The following SHISA9 variants were observed in gnomAD, a reference collection of about 807,000 sequenced individuals.
The protein encoded by SHISA9 is shisa family member 9.
Under a neutral mutation model 38.0 loss-of-function variants are expected in SHISA9, and 13 were observed. The observed-to-expected ratio is 0.34, with a 90% CI of 0.22 to 0.54. The LOEUF is 0.54. Ranked by LOEUF, SHISA9 falls within the 20% of genes least tolerant of loss-of-function variation. The probability of loss-of-function intolerance (pLI) is 0.91; values close to 1 mark genes in which losing one functional copy is unlikely to be tolerated. For synonymous variants in SHISA9, 275 were observed against 242.0 expected (o/e 1.14, Z -1.27); for missense variants, 538 against 575.8 (o/e 0.93, Z 0.67).
At chr16:13,085,106 A>G (rs1441860419) in intron 2 of SHISA9, among the ~76,000 whole-genome samples, 1 of 152,126 alleles carries the variant, frequency 6.6e-6, no homozygotes, top group African/African-American at 2.4e-5. Flanking sequence ...TATCATTCTG[A>G]TTGTGGTGGA....
intron 2 of SHISA9, among the ~76,000 whole-genome samples, chr16:13,081,230 A>C (rs929141123): frequency 6.6e-6 from 1 of 152,208 alleles, no homozygotes; most frequent in Non-Finnish European, 1.5e-5. Context: ...AAACGCAGGC[A>C]TTCTTTGTGA....
the SHISA9 span, among the ~76,000 whole-genome samples, chr16:13,465,684 T>C: frequency 1.1e-3 from 164 of 152,302 alleles, no homozygotes; most frequent in African/African-American, 3.8e-3. Context: ...CTCAAGGTGA[T>C]ACACCTTTGA....
At chr16:12,904,119 T>C (rs1354042787) in intron 1 of SHISA9, among the ~76,000 whole-genome samples, 2 of 152,056 alleles carry the variant, frequency 1.3e-5, no homozygotes, top group Non-Finnish European at 2.9e-5. Flanking sequence ...CCGCCCACCT[T>C]CCGCAACCAC....
the SHISA9 span, among the ~76,000 whole-genome samples, chr16:13,406,081 T>C: frequency 6.6e-6 from 1 of 152,216 alleles, no homozygotes; most frequent in African/African-American, 2.4e-5. Flanking sequence ...GAGAAAGTAT[T>C]TGCAAACTCT....
At chr16:13,518,908 G>A in the SHISA9 span, among the ~76,000 whole-genome samples, 16 of 152,018 alleles carry the variant, frequency 1.1e-4, no homozygotes, top group African/African-American at 3.1e-4. Context: ...GGATAAGAGA[G>A]AGGAAAAAAG....
the SHISA9 span, among the ~76,000 whole-genome samples, chr16:13,292,377 C>G: frequency 3.9e-5 from 6 of 152,128 alleles, no homozygotes; most frequent in Admixed American, 1.3e-4. Context: ...TTGGGTTTCT[C>G]TCTTTATTCC....
chr16:13,479,691 A>G, the SHISA9 span, among the ~76,000 whole-genome samples: 2 of 152,164 alleles, frequency 1.3e-5, no homozygotes, highest in East Asian at 3.8e-4. Context: ...CTGCATGAGG[A>G]TGCGATTAAT....
In SHISA9 at chr16:13,203,548, C is replaced by T. The variant is rs376491350; in HGVS notation, c.846C>T (p.Val282=). ...ELNKYASLKA[V]GSSDGDWAVS... Reference sequence around the variant, plus strand: ...ACAAGTACGCCTCCTTAAAGGCAGTCGGTAAGTGCCACCTGATGGATCTTT... The same window carrying T: ...ACAAGTACGCCTCCTTAAAGGCAGTTGGTAAGTGCCACCTGATGGATCTTT... Residue 282 remains valine, a splice_region_variant and synonymous_variant, in exon 3 of 5, where the codon GTC becomes GTT. Coordinates refer to ENST00000558583, the MANE Select transcript of SHISA9 (RefSeq NM_001145204.3). 688 of 1,526,608 alleles carry T rather than the reference C, an allele frequency of 4.5e-4. 4 individuals are homozygous for T. The African/African-American group carries it at 7.1e-3, about 16-fold the overall frequency. The allele number at this position is 1,526,608 out of a possible 1,614,324, so 94.6% of individuals were successfully genotyped here. A position where few individuals can be genotyped will look rare whatever the true frequency, so the allele number is the denominator to read the frequency against.
intron 2 of SHISA9, among the ~76,000 whole-genome samples, chr16:13,080,750 A>C (rs2073639327): frequency 6.6e-6 from 1 of 152,242 alleles, no homozygotes; most frequent in Non-Finnish European, 1.5e-5. Context: ...TAAAATAGCC[A>C]TGCTGTGGAA....
intron 2 of SHISA9, among the ~76,000 whole-genome samples, chr16:13,127,475 A>G (rs467071): frequency 0.77 from 116,220 of 151,598 alleles, 44,711 homozygotes; most frequent in Admixed American, 0.79. Flanking sequence ...AGAAACAAGT[A>G]AAAGAGGAAA....
At chr16:13,421,578 C>A in the SHISA9 span, among the ~76,000 whole-genome samples, 6 of 152,116 alleles carry the variant, frequency 3.9e-5, no homozygotes, top group African/African-American at 1.4e-4. Context: ...AGCTACAATT[C>A]AAAATGATAT....
At chr16:13,371,060 A>T in the SHISA9 span, among the ~76,000 whole-genome samples, 1 of 152,220 alleles carries the variant, frequency 6.6e-6, no homozygotes, top group Non-Finnish European at 1.5e-5. Context: ...CGACTCCACT[A>T]AGTGAATTAA....
the SHISA9 span, among the ~76,000 whole-genome samples, chr16:13,529,154 A>C: frequency 6.6e-6 from 1 of 152,196 alleles, no homozygotes; most frequent in African/African-American, 2.4e-5. Context: ...GTGAATGTTC[A>C]AATAGCAATC....
chr16:13,169,307 T>TG (rs1172081934), intron 2 of SHISA9, among the ~76,000 whole-genome samples: 1 of 152,244 alleles, frequency 6.6e-6, no homozygotes, highest in African/African-American at 2.4e-5. Context: ...CAACACCATT[T>TG]GCGGTGGCAG....
chr16:12,938,899 A>T (rs1389812650), intron 2 of SHISA9, among the ~76,000 whole-genome samples: 1 of 152,192 alleles, frequency 6.6e-6, no homozygotes, highest in Admixed American at 6.5e-5. Context: ...TTGAAAACAC[A>T]TTGAGGGCAG....
chr16:13,418,951 T>TG, the SHISA9 span, among the ~76,000 whole-genome samples: 282 of 152,318 alleles, frequency 1.9e-3, 3 homozygotes, highest in African/African-American at 5.4e-3. Context: ...GAAACAACCT[T>TG]GGGGCATTCC....
the SHISA9 span, among the ~76,000 whole-genome samples, chr16:13,536,312 A>G: frequency 2.6e-5 from 4 of 152,034 alleles, no homozygotes; most frequent in African/African-American, 4.8e-5. Context: ...TTGTTTTTCT[A>G]TCTGCCTAAA....
intron 2 of SHISA9, among the ~76,000 whole-genome samples, chr16:12,924,024 A>G (rs1253817241): frequency 6.6e-6 from 1 of 151,642 alleles, no homozygotes; most frequent in Non-Finnish European, 1.5e-5. Flanking sequence ...AGACTGAGAA[A>G]AGCATCTTTT....
At chr16:13,448,880 T>C in the SHISA9 span, among the ~76,000 whole-genome samples, 1 of 152,218 alleles carries the variant, frequency 6.6e-6, no homozygotes, top group Non-Finnish European at 1.5e-5. Context: ...AGTGTAAATC[T>C]ATATATTTTG....
Sources: allele counts gnomAD v4.1 joint callset (sites outside exome capture counted in the v4.1 genomes callset), GRCh38; gene constraint gnomAD v4.1.1; transcripts MANE v1.5; gene names NCBI Gene and HGNC (gene_info 2026-07-23, HGNC 2026-07-21).